Variants in FHOD3 observed in about 807,000 individuals in gnomAD.
FHOD3 encodes formin homology 2 domain containing 3.
A neutral mutation model predicts 173.0 loss-of-function variants in FHOD3; 90 were observed. That is an observed-to-expected ratio of 0.52 (90% CI 0.44 to 0.62). The LOEUF is 0.62. FHOD3 is among the 20% of genes least tolerant of loss of function. The pLI, the probability that FHOD3 is intolerant of heterozygous loss-of-function variation, is 0.00. For synonymous variants in FHOD3, 828 were observed against 823.0 expected, an observed-to-expected ratio of 1.01 and a Z score of -0.10; for missense variants, 1,945 against 2,034.7, an observed-to-expected ratio of 0.96 and a Z score of 0.85.
At chr18:36,336,990 T>C (rs1264034972) in intron 1 of FHOD3, among the ~76,000 whole-genome samples, 1 of 150,972 alleles carries the variant, frequency 6.6e-6, no homozygotes, top group Non-Finnish European at 1.5e-5. Flanking sequence ...CTGGCCAACA[T>C]GGCGAAACCT....
At chr18:36,644,229 A>G (rs1016975799) in intron 10 of FHOD3, among the ~76,000 whole-genome samples, 15 of 152,250 alleles carry the variant, frequency 9.9e-5, no homozygotes, top group Admixed American at 9.2e-4. Context: ...TTGGAAAGCC[A>G]AAGGCCAAAC....
chr18:36,436,763 G>A (rs769341746), intron 3 of FHOD3, among the ~76,000 whole-genome samples: 70 of 152,190 alleles, frequency 4.6e-4, no homozygotes, highest in Non-Finnish European at 9.0e-4. Context: ...GATAAATTGT[G>A]GAACTGGCAG....
At position 36,760,792 on chromosome 18, in the gene FHOD3, G is replaced by A. The variant is rs375630760; in HGVS notation, c.4624+10G>A. The A allele has an allele frequency of 1.2e-6, 2 of 1,601,268 alleles. No individual in the cohort carries two copies. The highest frequency in any genetic ancestry group is 1.3e-5 in the African/African-American group (1 of 74,750). ...AGCCGAGCAAGCCGAGGTAACTCCT[G>A]GCTGCGCGGGGCTCGTCTTGTCTTC... On this transcript the variant is annotated intron_variant, in intron 27 of 28. Coordinates refer to ENST00000590592, the MANE Select transcript of FHOD3 (RefSeq NM_001281740.3).
chr18:36,727,010 G>A (rs2041111079), intron 19 of FHOD3, among the ~76,000 whole-genome samples: 1 of 152,024 alleles, frequency 6.6e-6, no homozygotes, highest in Admixed American at 6.6e-5. Flanking sequence ...ATGGATGGAT[G>A]GATGGGTTAG....
chr18:36,534,987 T>A (rs562774764), intron 5 of FHOD3, among the ~76,000 whole-genome samples: 2 of 152,364 alleles, frequency 1.3e-5, no homozygotes, highest in Admixed American at 6.5e-5. Context: ...GTCTTTATAA[T>A]GTTTTTCTTC....
At chr18:36,621,504 T>C (rs1378939295) in intron 9 of FHOD3, among the ~76,000 whole-genome samples, 1 of 152,218 alleles carries the variant, frequency 6.6e-6, no homozygotes, top group African/African-American at 2.4e-5. Flanking sequence ...CCTTAGTTTA[T>C]CTACTTGGCC....
intron 3 of FHOD3, among the ~76,000 whole-genome samples, chr18:36,391,609 C>T (rs975713815): frequency 7.2e-5 from 11 of 152,132 alleles, no homozygotes; most frequent in Non-Finnish European, 2.9e-5. Flanking sequence ...CCTGGCTGAG[C>T]CCTGGGTTTA....
At chr18:36,547,931 G>A (rs1340538872) in intron 5 of FHOD3, among the ~76,000 whole-genome samples, 5 of 152,184 alleles carry the variant, frequency 3.3e-5, no homozygotes, top group Non-Finnish European at 7.3e-5. Context: ...AGTGGCTCAC[G>A]CTTGTAATCC....
chr18:36,384,123 C>T (rs1373915010), intron 3 of FHOD3, among the ~76,000 whole-genome samples: 1 of 152,078 alleles, frequency 6.6e-6, no homozygotes, highest in Non-Finnish European at 1.5e-5. Context: ...GAGGATTAGG[C>T]CGAGTGTGGT....
Position 36,611,942 on chromosome 18 carries a change from C to T in FHOD3, c.814-10C>T. The stretch of plus-strand genomic sequence containing the variant: ...TGGTGTCTCTGTAGCTGGTTCTTCT[C>T]TTCTTCCAGACGTTATCAGGACTAC... On this transcript the variant is annotated splice_polypyrimidine_tract_variant and intron_variant, in intron 8 of 28. Transcript: ENST00000590592. The T allele has an allele frequency of 1.2e-6, 2 of 1,611,848 alleles. No homozygotes were observed. The highest frequency in any genetic ancestry group is 8.5e-7 in the Non-Finnish European group (1 of 1,179,134).
In FHOD3 at chr18:36,492,345, T is replaced by C. The variant is rs567390394; in HGVS notation, c.338-9587T>C. ...TTAGTGTTACCATCACCTTCTCACA[T>C]GACATTGCCATGGTTTGGGGACATG... On this transcript the variant is annotated intron_variant, in intron 3 of 28. Transcript: ENST00000590592. Among the ~76,000 whole-genome samples, 4 of 152,258 alleles carry C rather than the reference T, an allele frequency of 2.6e-5. 1 individual carries two copies. The South Asian group carries it at 8.3e-4, about 32-fold the overall frequency.
At chr18:36,487,217 C>T (rs773122551) in intron 3 of FHOD3, among the ~76,000 whole-genome samples, 1 of 152,194 alleles carries the variant, frequency 6.6e-6, no homozygotes, top group Non-Finnish European at 1.5e-5. Context: ...TGATAAGCAA[C>T]TATCAAACTG....
Position 36,718,318 on chromosome 18 carries a change from A to G in FHOD3, c.3020A>G (p.Asp1007Gly). The change falls in exon 19 of 29, where the codon GAT becomes GGT. Residue 1007 changes from aspartate to glycine, a missense_variant. Asp to Gly is a moderately conservative substitution (Grantham distance 94, BLOSUM62 -1). Around this residue, in one of 5 missense-constraint regions of FHOD3, gnomAD observed 1,099 missense variants for 1,051.2 expected, o/e 1.05. Coordinates refer to ENST00000590592, the MANE Select transcript of FHOD3 (RefSeq NM_001281740.3). ...FTDLGEEDDIDVLDVDLGHRE... is the reference protein window; with the variant it reads ...FTDLGEEDDIGVLDVDLGHRE... ...GACCTGGGGGAGGAGGATGACATTG[A>G]TGTCCTAGATGTGGACCTGGGTCAC... The G allele has an allele frequency of 1.9e-6, 3 of 1,614,026 alleles. No homozygotes were observed. The highest frequency in any genetic ancestry group is 1.3e-5 in the African/African-American group (1 of 75,010).
rs143294929 is a variant in FHOD3 at position 36,307,652 on chromosome 18, G to A, written c.165+9652G>A. Among the ~76,000 whole-genome samples, 40 of 152,310 alleles carry A rather than the reference G, an allele frequency of 2.6e-4. No individual in the cohort carries two copies. The East Asian group carries it at 5.6e-3, about 21-fold the overall frequency. ...TATCTTCACACTGTAGTTCCATGCA[G>A]CTGTCCACTTAAACTGTGTGTGTGG... On this transcript the variant is annotated intron_variant, in intron 1 of 28. Transcript: ENST00000590592.
At chr18:36,420,058 T>C (rs938233814) in intron 3 of FHOD3, among the ~76,000 whole-genome samples, 6 of 152,204 alleles carry the variant, frequency 3.9e-5, no homozygotes, top group Admixed American at 6.5e-5. Context: ...TGTCTCCTCT[T>C]GGACTCAGTG....
At chr18:36,578,676 C>T (rs376242332) in intron 6 of FHOD3, among the ~76,000 whole-genome samples, 76 of 152,238 alleles carry the variant, frequency 5.0e-4, no homozygotes, top group African/African-American at 1.8e-3. Context: ...GCACTCAGCC[C>T]TGGTTTGATT....
At chr18:36,426,350 C>CTG (rs964095291) in intron 3 of FHOD3, among the ~76,000 whole-genome samples, 1 of 152,136 alleles carries the variant, frequency 6.6e-6, no homozygotes, top group African/African-American at 2.4e-5. Flanking sequence ...GAACCTGGGA[C>CTG]TGTGGTGCAG....
intron 5 of FHOD3, among the ~76,000 whole-genome samples, chr18:36,554,986 T>C (rs2057816422): frequency 6.6e-6 from 1 of 152,228 alleles, no homozygotes; most frequent in African/African-American, 2.4e-5. Context: ...ATCAATTTCA[T>C]CTGTCTTTTC....
At chr18:36,346,610 T>C (rs1429839055) in intron 1 of FHOD3, among the ~76,000 whole-genome samples, 1 of 152,188 alleles carries the variant, frequency 6.6e-6, no homozygotes, top group Non-Finnish European at 1.5e-5. Context: ...TCCTTCCCTA[T>C]ACCATTTCTC....
Sources: gnomAD v4.1 joint callset for allele counts (sites outside exome capture counted in the v4.1 genomes callset) on GRCh38, gnomAD v4.1.1 for gene constraint, gnomAD v4.1.1 regional missense constraint, MANE v1.5 for transcripts, NCBI Gene and HGNC (gene_info 2026-07-23, HGNC 2026-07-21) for gene names.